The following AMMECR1 variants were observed in gnomAD, a reference collection of about 807,000 sequenced individuals.
The protein encoded by AMMECR1 is AMMECR nuclear protein 1.
AMMECR1 carries 3 observed loss-of-function variants against 22.5 expected under a neutral mutation model. The ratio of observed to expected loss-of-function variants is 0.13; its 90% CI spans 0.06 to 0.35. The LOEUF (loss-of-function observed/expected upper bound fraction) is 0.35. Ranked by LOEUF, AMMECR1 falls within the 10% of genes least tolerant of loss-of-function variation. The pLI, the probability that AMMECR1 is intolerant of heterozygous loss-of-function variation, is 1.00. For missense variants in AMMECR1, 235 were observed against 278.7 expected (o/e 0.84, Z 1.12); for synonymous variants, 130 against 116.7 (o/e 1.11, Z -0.74).
intron 1 of AMMECR1, among the ~76,000 whole-genome samples, chrX:110,293,837 T>C (rs904502202): frequency 1.8e-5 from 2 of 111,612 alleles, no homozygotes; most frequent in African/African-American, 3.3e-5. Flanking sequence ...TCAGACACCT[T>C]AGCTAAAATC....
At chrX:110,350,855 C>A (rs373655753) in intron 2 of AMMECR1, among the ~76,000 whole-genome samples, 16 of 110,166 alleles carry the variant, frequency 1.5e-4, no homozygotes, top group East Asian at 5.7e-4. Flanking sequence ...ACCCTGTGAT[C>A]CCAGCTACTC....
At chrX:110,346,147 T>A (rs1462966236) in intron 2 of AMMECR1, among the ~76,000 whole-genome samples, 1 of 112,161 alleles carries the variant, frequency 8.9e-6, no homozygotes, top group Non-Finnish European at 1.9e-5. Context: ...TGAGAAAAAA[T>A]TGGAATATTG....
At chrX:110,363,700 A>G (rs952493017) in intron 2 of AMMECR1, among the ~76,000 whole-genome samples, 2 of 111,507 alleles carry the variant, frequency 1.8e-5, no homozygotes, top group African/African-American at 6.5e-5. Flanking sequence ...AGGGTGATGC[A>G]TGGATGCATC....
intron 2 of AMMECR1, among the ~76,000 whole-genome samples, chrX:110,334,182 G>A (rs1039790680): frequency 4.5e-5 from 5 of 110,626 alleles, no homozygotes; most frequent in Non-Finnish European, 7.6e-5. Context: ...TCCTTTTGTT[G>A]TTTGTGCTTT....
intron 2 of AMMECR1, among the ~76,000 whole-genome samples, chrX:110,424,965 C>T (rs1377357546): frequency 2.7e-5 from 3 of 111,628 alleles, no homozygotes; most frequent in South Asian, 7.7e-4. Flanking sequence ...ACAGTATTCT[C>T]GCTTTCCCTT....
chrX:110,321,706 G>A (rs1288523401), upstream of AMMECR1, among the ~76,000 whole-genome samples: 1 of 110,860 alleles, frequency 9.0e-6, no homozygotes, highest in Non-Finnish European at 1.9e-5. Context: ...AGGTTTCTGG[G>A]GTTGTGGGTA....
intron 2 of AMMECR1, among the ~76,000 whole-genome samples, chrX:110,370,226 A>G (rs755109183): frequency 9.0e-6 from 1 of 111,517 alleles, no homozygotes; most frequent in Non-Finnish European, 1.9e-5. Flanking sequence ...TTATTTTTTA[A>G]AGACAGAGTA....
At chrX:110,244,907 T>C (rs966189796) in intron 2 of AMMECR1, among the ~76,000 whole-genome samples, 1 of 112,276 alleles carries the variant, frequency 8.9e-6, no homozygotes, top group Admixed American at 9.5e-5. Context: ...ATTCTAAGTT[T>C]GAATTATCTT....
chrX:110,423,080 C>T (rs2068729350), intron 2 of AMMECR1, among the ~76,000 whole-genome samples: 1 of 112,161 alleles, frequency 8.9e-6, no homozygotes, highest in Non-Finnish European at 1.9e-5. Flanking sequence ...GTAATCCCAG[C>T]ACTTTGGGTG....
At chrX:110,335,316 G>T (rs2068136875) in intron 2 of AMMECR1, among the ~76,000 whole-genome samples, 1 of 110,975 alleles carries the variant, frequency 9.0e-6, no homozygotes. Flanking sequence ...ATCTGGATTT[G>T]CTGGCAAGTC....
intron 2 of AMMECR1, among the ~76,000 whole-genome samples, chrX:110,353,594 T>C (rs1158654018): frequency 9.0e-6 from 1 of 110,977 alleles, no homozygotes; most frequent in African/African-American, 3.4e-5. Context: ...AACATATTGT[T>C]TTGTTCAATT....
intron 2 of AMMECR1, among the ~76,000 whole-genome samples, chrX:110,254,538 G>C (rs1602832052): frequency 9.0e-6 from 1 of 110,960 alleles, no homozygotes; most frequent in East Asian, 2.8e-4. Flanking sequence ...TTTTTAAGGT[G>C]AAAGTTTGAG....
chrX:110,257,667 G>C (rs182232033), intron 2 of AMMECR1, among the ~76,000 whole-genome samples: 28 of 111,786 alleles, frequency 2.5e-4, no homozygotes, highest in Non-Finnish European at 4.9e-4. Flanking sequence ...AAGTGAACTA[G>C]GGATGAACCA....
intron 2 of AMMECR1, among the ~76,000 whole-genome samples, chrX:110,247,550 G>A (rs2067664563): frequency 9.0e-6 from 1 of 111,631 alleles, no homozygotes; most frequent in Admixed American, 9.4e-5. Flanking sequence ...AATTAGCCAG[G>A]CATGGTGGCT....
At chrX:110,320,099 C>T (rs1023414765), upstream of AMMECR1, among the ~76,000 whole-genome samples, 3 of 112,241 alleles carry the variant, frequency 2.7e-5, no homozygotes, top group Non-Finnish European at 5.6e-5. Flanking sequence ...TTCATCCTCT[C>T]AAACTTCATC....
intron 2 of AMMECR1, among the ~76,000 whole-genome samples, chrX:110,332,944 G>A (rs1208628814): frequency 9.0e-6 from 1 of 111,687 alleles, no homozygotes; most frequent in Non-Finnish European, 1.9e-5. Flanking sequence ...ATGGAGACAT[G>A]GTACACTTAA....
chrX:110,302,103 T>C (rs1425854921), intron 1 of AMMECR1, among the ~76,000 whole-genome samples: 1 of 111,485 alleles, frequency 9.0e-6, no homozygotes, highest in African/African-American at 3.3e-5. Flanking sequence ...CTAACAATAA[T>C]ATCAAATAAA....
At chrX:110,320,692 A>G (rs1010616524), upstream of AMMECR1, among the ~76,000 whole-genome samples, 1 of 112,630 alleles carries the variant, frequency 8.9e-6, no homozygotes, top group Admixed American at 9.3e-5. Flanking sequence ...ATGCAATGGG[A>G]AAACCCAAAG....
At chrX:110,369,900 T>C (rs142268303) in intron 2 of AMMECR1, among the ~76,000 whole-genome samples, 2,113 of 111,611 alleles carry the variant, frequency 0.019, 14 homozygotes, top group Non-Finnish European at 0.028. Context: ...AATGGGTCTA[T>C]GAATCTCCTG....
Sources: allele counts gnomAD v4.1 joint callset (sites outside exome capture counted in the v4.1 genomes callset), GRCh38; gene constraint gnomAD v4.1.1; transcripts MANE v1.5; gene names NCBI Gene and HGNC (gene_info 2026-07-23, HGNC 2026-07-21).